GPR149: variants seen among roughly 807,000 people sequenced by gnomAD.
GPR149 encodes G protein-coupled receptor 149, also known as probable G protein-coupled receptor 149.
A neutral mutation model predicts 50.2 loss-of-function variants in GPR149; 50 were observed. That is an observed-to-expected ratio of 1.00 (90% CI 0.79 to 1.26). GPR149 has a LOEUF of 1.26. GPR149 is among the 50% of genes most tolerant of loss of function. The pLI, the probability that GPR149 is intolerant of heterozygous loss-of-function variation, is 0.00. For missense variants in GPR149, 983 were observed against 895.4 expected (o/e 1.10, Z -1.25); for synonymous variants, 405 against 358.2 (o/e 1.13, Z -1.48).
At chr3:154,395,495 A>T (rs1275470827) in intron 3 of GPR149, among the ~76,000 whole-genome samples, 1 of 150,932 alleles carries the variant, frequency 6.6e-6, no homozygotes, top group African/African-American at 2.4e-5. Context: ...GCAGGAAATC[A>T]TTTATAAGTT....
chr3:154,429,737 T>C lies in GPR149; in HGVS notation c.-122A>G, dbSNP rs976400508. On this transcript the variant is annotated 5_prime_UTR_variant, in exon 1 of 4. Transcript: ENST00000389740. ...CAAGTTCCCCTCTAGATGTTCTCCT[T>C]GTCAGTCCTGCAGAAAATGGTCAGC... The C allele has an allele frequency of 3.2e-5, 26 of 811,218 alleles. No homozygotes were observed. The African/African-American group carries it at 3.4e-4, about 11-fold the overall frequency. The allele number at this position is 811,218 out of a possible 1,614,324, so 50.3% of individuals were successfully genotyped here. A position where few individuals can be genotyped will look rare whatever the true frequency, so the allele number is the denominator to read the frequency against.
chr3:154,337,332 A>AC lies in GPR149; in HGVS notation c.*366dup, dbSNP rs1356931879. On this transcript the variant is annotated 3_prime_UTR_variant, in exon 4 of 4. Transcript: ENST00000389740. ...TTTTTCCCCTTTGCAGTAAAGGCCAACATTGTATATAGAAACATATGCATG... is the reference window on the plus strand; with the variant it reads ...TTTTTCCCCTTTGCAGTAAAGGCCAACCATTGTATATAGAAACATATGCATG... 6.6e-6 allele frequency among the ~76,000 whole-genome samples: 1 copy of AC among 152,212 alleles called. No individual in the cohort carries two copies. Among genetic ancestry groups the AC allele is most frequent in the East Asian group, 1.9e-4 (1 of 5,194 alleles).
intron 3 of GPR149, among the ~76,000 whole-genome samples, chr3:154,415,646 A>C (rs1711964888): frequency 6.6e-6 from 1 of 151,912 alleles, no homozygotes; most frequent in Non-Finnish European, 1.5e-5. Context: ...CAAAAGTAAA[A>C]ATATATGCAT....
intron 3 of GPR149, among the ~76,000 whole-genome samples, chr3:154,387,078 T>C (rs1422451110): frequency 1.3e-5 from 2 of 152,172 alleles, no homozygotes; most frequent in African/African-American, 2.4e-5. Flanking sequence ...AAACAATACC[T>C]ATCATGACAA....
At chr3:154,422,312 G>C (rs865942940) in intron 2 of GPR149, among the ~76,000 whole-genome samples, 5 of 151,712 alleles carry the variant, frequency 3.3e-5, no homozygotes, top group Non-Finnish European at 7.4e-5. Flanking sequence ...GTGACAGAAA[G>C]TGATACAATT....
chr3:154,393,141 C>T (rs1013556458), intron 3 of GPR149, among the ~76,000 whole-genome samples: 1 of 151,956 alleles, frequency 6.6e-6, no homozygotes, highest in Non-Finnish European at 1.5e-5. Flanking sequence ...AAGAAAACTA[C>T]AGGCCAATAT....
At chr3:154,347,635 T>C (rs533132017) in intron 3 of GPR149, among the ~76,000 whole-genome samples, 3 of 152,356 alleles carry the variant, frequency 2.0e-5, no homozygotes, top group Non-Finnish European at 4.4e-5. Context: ...ATTATTTACA[T>C]TTTACAGACA....
At chr3:154,365,786 C>A (rs1259471481) in intron 3 of GPR149, among the ~76,000 whole-genome samples, 1 of 152,174 alleles carries the variant, frequency 6.6e-6, no homozygotes, top group African/African-American at 2.4e-5. Flanking sequence ...ATAAGATATG[C>A]CTTATTTCCA....
In GPR149 at chr3:154,429,159, C is replaced by A. The variant is rs1275636364; in HGVS notation, c.457G>T (p.Val153Leu). The A allele has an allele frequency of 1.2e-6, 2 of 1,613,850 alleles. No homozygotes were observed. Among genetic ancestry groups the A allele is most frequent in the Non-Finnish European group, 1.7e-6 (2 of 1,179,960 alleles). Residue 153 changes from valine to leucine, a missense_variant, in exon 1 of 4, where the codon GTG becomes TTG. Coordinates refer to ENST00000389740, the MANE Select transcript of GPR149 (RefSeq NM_001038705.3). ...CTGGCTGCCCACACGGTCAGCACCACGCCGAGCACCTGGCCCGATCTTCTG... is the reference window on the plus strand; with the variant it reads ...CTGGCTGCCCACACGGTCAGCACCAAGCCGAGCACCTGGCCCGATCTTCTG... ...ASRRSGQVLG[V>L]VLTVWAASLL... is the part of the protein sequence containing the mutation.
chr3:154,379,061 AAACCC>A (rs1714860488), intron 3 of GPR149, among the ~76,000 whole-genome samples: 1 of 3,682 alleles, frequency 2.7e-4, no homozygotes. Context: ...TAACAAGGTG[AAACCC>A]CGTCTCTACT....
At chr3:154,370,386 G>A (rs1433754976) in intron 3 of GPR149, among the ~76,000 whole-genome samples, 1 of 152,192 alleles carries the variant, frequency 6.6e-6, no homozygotes, top group Non-Finnish European at 1.5e-5. Context: ...GCAGACCTTG[G>A]TGGCTCAGAG....
intron 3 of GPR149, among the ~76,000 whole-genome samples, chr3:154,405,416 G>A (rs1342501177): frequency 2.0e-5 from 3 of 151,654 alleles, no homozygotes; most frequent in African/African-American, 4.8e-5. Flanking sequence ...GTGAAATCCC[G>A]TCTCTACTAA....
chr3:154,367,729 T>C (rs1714563781), intron 3 of GPR149, among the ~76,000 whole-genome samples: 1 of 152,118 alleles, frequency 6.6e-6, no homozygotes, highest in African/African-American at 2.4e-5. Context: ...CTGATCCATG[T>C]CTCTCTCTCA....
At chr3:154,387,482 C>T (rs1037842046) in intron 3 of GPR149, among the ~76,000 whole-genome samples, 9 of 152,116 alleles carry the variant, frequency 5.9e-5, no homozygotes, top group Non-Finnish European at 7.4e-5. Context: ...ATTCTTCTCA[C>T]GGTGTCTGAG....
intron 3 of GPR149, among the ~76,000 whole-genome samples, chr3:154,411,600 G>A (rs1281516429): frequency 6.6e-6 from 1 of 152,012 alleles, no homozygotes; most frequent in Non-Finnish European, 1.5e-5. Context: ...ATAACCTAGA[G>A]GAGATGAATA....
chr3:154,392,374 ACAAACAAAAAAACC>A (rs1329515196), intron 3 of GPR149, among the ~76,000 whole-genome samples: 1 of 151,458 alleles, frequency 6.6e-6, no homozygotes, highest in African/African-American at 2.4e-5. Flanking sequence ...AAACAAACAA[ACAAACAAAAAAACC>A]CAAACAAAAA....
rs1397985330 is a variant in GPR149 at position 154,336,649 on chromosome 3, G to A, written c.*1050C>T. On this transcript the variant is annotated 3_prime_UTR_variant, in exon 4 of 4. Coordinates refer to ENST00000389740, the MANE Select transcript of GPR149 (RefSeq NM_001038705.3). ...TACCTTACAATCACTTAATAAAATA[G>A]GTTCAACTGTTTCTTTGAGACAACA... The A allele has an allele frequency of 1.3e-5, 2 of 151,972 alleles. No individual in the cohort carries two copies. The highest frequency in any genetic ancestry group is 2.4e-5 in the African/African-American group (1 of 41,366). 9.4% of individuals were successfully genotyped at this position (151,972 alleles called of 1,614,324 possible).
intron 3 of GPR149, among the ~76,000 whole-genome samples, chr3:154,401,767 T>C (rs991497703): frequency 6.6e-6 from 1 of 152,120 alleles, no homozygotes; most frequent in Non-Finnish European, 1.5e-5. Flanking sequence ...TTAAAATTAG[T>C]GCAGATCAGA....
chr3:154,348,670 C>A (rs1713990986), intron 3 of GPR149, among the ~76,000 whole-genome samples: 1 of 152,072 alleles, frequency 6.6e-6, no homozygotes, highest in African/African-American at 2.4e-5. Context: ...AGACTTCAAC[C>A]CCTCTCTCGC....
Sources: gnomAD v4.1 joint callset for allele counts (sites outside exome capture counted in the v4.1 genomes callset) on GRCh38, gnomAD v4.1.1 for gene constraint, MANE v1.5 for transcripts, NCBI Gene and HGNC (gene_info 2026-07-23, HGNC 2026-07-21) for gene names.